Variants in ZNF385D observed in about 807,000 individuals in gnomAD.
The protein encoded by ZNF385D is zinc finger protein 659.
A neutral mutation model predicts 35.8 loss-of-function variants in ZNF385D; 15 were observed. That is an observed-to-expected ratio of 0.42 (90% CI 0.28 to 0.64). The LOEUF is 0.64. Ranked by LOEUF, ZNF385D falls within the 30% of genes least tolerant of loss-of-function variation. The probability of loss-of-function intolerance (pLI) is 0.23; values close to 1 mark genes in which losing one functional copy is unlikely to be tolerated. For synonymous variants in ZNF385D, 212 were observed against 186.8 expected (o/e 1.13, Z -1.10); for missense variants, 474 against 494.6 (o/e 0.96, Z 0.39).
At position 21,466,994 on chromosome 3, in the gene ZNF385D, G is replaced by C. The variant is rs372009953; in HGVS notation, c.440-29791C>G. 2.4e-3 allele frequency among the ~76,000 whole-genome samples: 365 copies of C among 152,244 alleles called. 2 individuals carry two copies. The highest frequency in any genetic ancestry group is 8.3e-3 in the African/African-American group (346 of 41,544). On this transcript the variant is annotated intron_variant, in intron 4 of 7. Coordinates refer to ENST00000281523, the MANE Select transcript of ZNF385D (RefSeq NM_024697.3). ...TTCTAAATCCTTAGTCTATGCTCCT[G>C]CCACTATACCAAGCTTCTTACCAAT... is the stretch of plus-strand genomic sequence containing the variant.
intron 3 of ZNF385D, among the ~76,000 whole-genome samples, chr3:21,927,472 G>A (rs1478551055): frequency 6.6e-6 from 1 of 151,960 alleles, no homozygotes; most frequent in Non-Finnish European, 1.5e-5. Flanking sequence ...TTCTTCAACT[G>A]GTAAATGATT....
At chr3:21,906,360 T>A (rs1699684593) in intron 3 of ZNF385D, among the ~76,000 whole-genome samples, 3 of 152,170 alleles carry the variant, frequency 2.0e-5, no homozygotes, top group Admixed American at 2.0e-4. Context: ...AATTCTTAGT[T>A]GGTAGCATCC....
intron 3 of ZNF385D, among the ~76,000 whole-genome samples, chr3:21,860,140 C>G (rs1696968112): frequency 2.0e-5 from 3 of 151,972 alleles, no homozygotes; most frequent in Admixed American, 2.0e-4. Flanking sequence ...GAAGTATATT[C>G]TTTTATGCAA....
chr3:22,080,642 G>A (rs2593322), intron 3 of ZNF385D, among the ~76,000 whole-genome samples: 118,144 of 151,778 alleles, frequency 0.78, 46,825 homozygotes, highest in Non-Finnish European at 0.84. Flanking sequence ...TTTTATATAT[G>A]AAATACTTCG....
intron 2 of ZNF385D, among the ~76,000 whole-genome samples, chr3:21,602,873 T>C (rs2064356777): frequency 6.6e-6 from 1 of 152,132 alleles, no homozygotes; most frequent in Non-Finnish European, 1.5e-5. Context: ...TCGGCCCACA[T>C]GCAGGAACCA....
At chr3:21,856,447 T>C (rs1303133584) in intron 3 of ZNF385D, among the ~76,000 whole-genome samples, 4 of 152,104 alleles carry the variant, frequency 2.6e-5, no homozygotes, top group African/African-American at 9.7e-5. Flanking sequence ...GTCTCCATTT[T>C]AATATCAATA....
chr3:21,948,015 CATTATA>C (rs980018838), intron 3 of ZNF385D, among the ~76,000 whole-genome samples: 21 of 152,022 alleles, frequency 1.4e-4, no homozygotes, highest in African/African-American at 5.1e-4. Flanking sequence ...TAAATGCTGC[CATTATA>C]ATTAATTTTC....
intron 3 of ZNF385D, among the ~76,000 whole-genome samples, chr3:21,513,013 A>G (rs1448399885): frequency 6.6e-6 from 1 of 152,168 alleles, no homozygotes; most frequent in Non-Finnish European, 1.5e-5. Context: ...ATGGGGGGTG[A>G]GATTAATCGT....
In ZNF385D at chr3:21,663,901, ATATATATATATATATATT is replaced by A. The variant is rs943603148; in HGVS notation, c.165+967_165+984del. Among the ~76,000 whole-genome samples, 31 of 118,410 alleles carry A rather than the reference ATATATATATATATATATT, an allele frequency of 2.6e-4. 1 individual carries two copies. Among genetic ancestry groups the A allele is most frequent in the African/African-American group, 9.6e-4 (30 of 31,380 alleles). The allele number at this position is 118,410 out of a possible 152,430, so 77.7% of individuals were successfully genotyped here. A position where few individuals can be genotyped will look rare whatever the true frequency, so the allele number is the denominator to read the frequency against. On this transcript the variant is annotated intron_variant, in intron 2 of 7. Transcript: ENST00000281523. ...TTAATTGTGGGCCGAATATATATAT[ATATATATATATATATATT>A]TATTTATTTAAATCCATCATGGGGA...
chr3:21,784,179 C>G (rs1326004851), intron 3 of ZNF385D, among the ~76,000 whole-genome samples: 1 of 152,106 alleles, frequency 6.6e-6, no homozygotes, highest in Non-Finnish European at 1.5e-5. Context: ...TTAAAACCAG[C>G]CTATAAAGCA....
At chr3:21,680,411 T>C (rs2066862111) in intron 1 of ZNF385D, among the ~76,000 whole-genome samples, 1 of 152,178 alleles carries the variant, frequency 6.6e-6, no homozygotes, top group African/African-American at 2.4e-5. Flanking sequence ...AAAATAATAT[T>C]ATCTTTCCTA....
chr3:22,369,206 A>C (rs535606949), intron 2 of ZNF385D, among the ~76,000 whole-genome samples: 1 of 152,288 alleles, frequency 6.6e-6, no homozygotes, highest in East Asian at 1.9e-4. Context: ...ATGTTTATGG[A>C]GCTTAAATTA....
chr3:22,165,021 G>A (rs185326469), intron 3 of ZNF385D, among the ~76,000 whole-genome samples: 1 of 152,120 alleles, frequency 6.6e-6, no homozygotes, highest in East Asian at 1.9e-4. Context: ...AAGATGAATA[G>A]GCAGAGCACA....
chr3:21,444,598 G>A (rs1702047942), intron 4 of ZNF385D, among the ~76,000 whole-genome samples: 1 of 151,836 alleles, frequency 6.6e-6, no homozygotes, highest in African/African-American at 2.4e-5. Context: ...CGTTGGCCAG[G>A]CTGGTCTTGA....
At chr3:22,069,481 T>C (rs1700125738) in intron 3 of ZNF385D, among the ~76,000 whole-genome samples, 1 of 152,174 alleles carries the variant, frequency 6.6e-6, no homozygotes, top group African/African-American at 2.4e-5. Flanking sequence ...ATAGGCAATA[T>C]AAAGGTAACA....
chr3:22,177,641 G>T (rs1461204767), intron 2 of ZNF385D, among the ~76,000 whole-genome samples: 6 of 152,086 alleles, frequency 3.9e-5, no homozygotes, highest in African/African-American at 7.2e-5. Context: ...GTGCAGGTTT[G>T]TTACATATGT....
chr3:21,694,848 A>C (rs539798017), intron 1 of ZNF385D, among the ~76,000 whole-genome samples: 1 of 152,356 alleles, frequency 6.6e-6, no homozygotes, highest in South Asian at 2.1e-4. Context: ...TAATTAAAAC[A>C]AACAAGCAAA....
At chr3:21,510,015 T>G (rs1012259599) in intron 4 of ZNF385D, among the ~76,000 whole-genome samples, 2 of 152,194 alleles carry the variant, frequency 1.3e-5, no homozygotes, top group African/African-American at 4.8e-5. Flanking sequence ...ACACTATCAT[T>G]GGTGATGATA....
intron 2 of ZNF385D, among the ~76,000 whole-genome samples, chr3:22,205,177 A>C (rs1252100388): frequency 1.3e-5 from 2 of 152,050 alleles, no homozygotes; most frequent in Admixed American, 6.6e-5. Context: ...CACACTTTTC[A>C]GTGGAAACTT....
Sources: allele counts gnomAD v4.1 joint callset (sites outside exome capture counted in the v4.1 genomes callset), GRCh38; gene constraint gnomAD v4.1.1; transcripts MANE v1.5; gene names NCBI Gene and HGNC (gene_info 2026-07-23, HGNC 2026-07-21).